The following CEP63 variants were observed in gnomAD, a reference collection of about 807,000 sequenced individuals.
CEP63 encodes centrosomal protein 63, also known as centrosomal protein of 63 kDa.
CEP63 carries 84 observed loss-of-function variants against 89.1 expected under a neutral mutation model. That is an observed-to-expected ratio of 0.94 (90% CI 0.79 to 1.13). CEP63 has a LOEUF of 1.13. Ranked by LOEUF, CEP63 falls within the 50% of genes most tolerant of loss-of-function variation. CEP63 has a pLI of 0.00. For missense variants in CEP63, 838 were observed against 813.3 expected (o/e 1.03, Z -0.37); for synonymous variants, 267 against 272.5 (o/e 0.98, Z 0.20).
At chr3:134,780,711 T>G in the CEP63 span, 4 of 152,234 alleles carry the variant, frequency 2.6e-5, no homozygotes, top group Admixed American at 2.0e-4. Flanking sequence ...TTAAATTAAG[T>G]TGCAGATAGT....
the CEP63 span, among the ~76,000 whole-genome samples, chr3:134,715,715 C>G: frequency 6.6e-6 from 1 of 151,936 alleles, no homozygotes; most frequent in Non-Finnish European, 1.5e-5. Flanking sequence ...TTATAGGAGC[C>G]TCATGGGGAA....
chr3:134,652,418 G>A, the CEP63 span, among the ~76,000 whole-genome samples: 1 of 152,014 alleles, frequency 6.6e-6, no homozygotes, highest in Non-Finnish European at 1.5e-5. Flanking sequence ...TCCGTGTAAA[G>A]GCTGTTGTCT....
intron 6 of CEP63, among the ~76,000 whole-genome samples, chr3:134,541,106 A>G (rs1187373042): frequency 6.6e-6 from 1 of 152,096 alleles, no homozygotes; most frequent in African/African-American, 2.4e-5. Flanking sequence ...TACTATTCTG[A>G]AAGAGCTTTC....
exon 12 of CEP63, chr3:134,574,876 G>A: frequency 3.7e-6 from 2 of 541,412 alleles, no homozygotes; most frequent in Non-Finnish European, 6.7e-6. Context: ...CCAAAGTGCT[G>A]GAATTACAAG....
the CEP63 span, among the ~76,000 whole-genome samples, chr3:134,618,251 A>G: frequency 2.6e-5 from 4 of 152,134 alleles, no homozygotes; most frequent in African/African-American, 9.7e-5. Context: ...AGTGCTCGGC[A>G]GCTGCCGCCT....
intron 10 of CEP63, among the ~76,000 whole-genome samples, chr3:134,585,081 C>A (rs1958455746): frequency 6.6e-6 from 1 of 150,988 alleles, no homozygotes; most frequent in Non-Finnish European, 1.5e-5. Flanking sequence ...TTCCTCTCTT[C>A]TTCTTTATTA....
chr3:134,603,408 T>C, the CEP63 span: 1 of 615,464 alleles, frequency 1.6e-6, no homozygotes, highest in Non-Finnish European at 2.8e-6. Context: ...AGTGAAGCCT[T>C]CAGAACACAA....
chr3:134,629,695 C>T, the CEP63 span: 1 of 1,585,022 alleles, frequency 6.3e-7, no homozygotes, highest in Non-Finnish European at 8.6e-7. Context: ...CAGTTGTGTC[C>T]CTACAAAGGA....
At chr3:134,775,210 C>T in the CEP63 span, among the ~76,000 whole-genome samples, 8 of 152,152 alleles carry the variant, frequency 5.3e-5, no homozygotes, top group African/African-American at 1.2e-4. Flanking sequence ...ACAAGGGTCT[C>T]GTTCACGTGA....
chr3:134,570,235 C>T (rs751047263), intron 11 of CEP63, among the ~76,000 whole-genome samples: 3 of 145,048 alleles, frequency 2.1e-5, no homozygotes, highest in Non-Finnish European at 1.5e-5. Context: ...ATTTCTGCAG[C>T]TGGCTTGAAT....
At chr3:134,635,493 TAAAA>T in the CEP63 span, among the ~76,000 whole-genome samples, 845 of 79,326 alleles carry the variant, frequency 0.011, 5 homozygotes, top group Middle Eastern at 0.02. Context: ...CGAGACTCTG[TAAAA>T]AAAAAAAAAA....
At chr3:134,505,551 C>T (rs1256319246) in intron 2 of CEP63, among the ~76,000 whole-genome samples, 2 of 152,258 alleles carry the variant, frequency 1.3e-5, no homozygotes, top group East Asian at 3.9e-4. Context: ...ATGGCATGCA[C>T]AGGCACTGAT....
the CEP63 span, among the ~76,000 whole-genome samples, chr3:134,609,867 C>G: frequency 6.6e-6 from 1 of 152,202 alleles, no homozygotes; most frequent in Non-Finnish European, 1.5e-5. Flanking sequence ...TGGAAGGGAA[C>G]CTGCCAACAA....
the CEP63 span, among the ~76,000 whole-genome samples, chr3:134,598,542 G>A: frequency 3.3e-5 from 5 of 152,176 alleles, no homozygotes; most frequent in Non-Finnish European, 5.9e-5. Flanking sequence ...TAATAGGGCC[G>A]GGAGGCTTCA....
downstream of CEP63, among the ~76,000 whole-genome samples, chr3:134,577,918 T>C (rs185466996): frequency 1.1e-4 from 16 of 152,284 alleles, no homozygotes; most frequent in Non-Finnish European, 1.6e-4. Flanking sequence ...TGATGGCTTC[T>C]GGCTTCATCT....
chr3:134,735,080 A>G, the CEP63 span, among the ~76,000 whole-genome samples: 291 of 152,300 alleles, frequency 1.9e-3, 3 homozygotes, highest in African/African-American at 6.6e-3. Flanking sequence ...TTTTCTTGAC[A>G]TAGGTGACAT....
At chr3:134,691,738 C>CT in the CEP63 span, among the ~76,000 whole-genome samples, 2 of 151,890 alleles carry the variant, frequency 1.3e-5, no homozygotes, top group Admixed American at 6.6e-5. Flanking sequence ...GAATGGCATT[C>CT]TTTTTTTATT....
intron 10 of CEP63, among the ~76,000 whole-genome samples, chr3:134,582,842 T>G (rs1249839466): frequency 6.6e-6 from 1 of 152,198 alleles, no homozygotes; most frequent in Non-Finnish European, 1.5e-5. Context: ...CAGCATCTGT[T>G]GTTTCCTGAC....
chr3:134,760,064 T>TC, the CEP63 span, among the ~76,000 whole-genome samples: 1 of 149,802 alleles, frequency 6.7e-6, no homozygotes, highest in African/African-American at 2.5e-5. Flanking sequence ...CTTTCTTTTT[T>TC]TTTTTTTTTT....
Sources: gnomAD v4.1 joint callset for allele counts (sites outside exome capture counted in the v4.1 genomes callset) on GRCh38, gnomAD v4.1.1 for gene constraint, MANE v1.5 for transcripts, NCBI Gene and HGNC (gene_info 2026-07-23, HGNC 2026-07-21) for gene names.